Variants in UBASH3B observed in about 807,000 individuals in gnomAD.
UBASH3B encodes the protein ubiquitin associated and SH3 domain containing B.
Under a neutral mutation model 83.4 loss-of-function variants are expected in UBASH3B, and 37 were observed. The observed-to-expected ratio is 0.44, with a 90% CI of 0.34 to 0.58. The LOEUF (loss-of-function observed/expected upper bound fraction) is 0.58. Ranked by LOEUF, UBASH3B falls within the 20% of genes least tolerant of loss-of-function variation. The pLI is 0.01. For missense variants in UBASH3B, 657 were observed against 827.2 expected (o/e 0.79, Z 2.52); for synonymous variants, 304 against 318.3 (o/e 0.96, Z 0.48).
At position 122,656,229 on chromosome 11, in the gene UBASH3B, A is replaced by C; in HGVS notation, c.161+19A>C. ...CCCGCGCGTAAGTGGCCGGGCTCGC[A>C]GCCCTCGGCGACCCCTCCCGCGCGC... On this transcript the variant is annotated intron_variant, in intron 1 of 13. Coordinates refer to ENST00000284273, the MANE Select transcript of UBASH3B (RefSeq NM_032873.5). 7.1e-7 allele frequency: 1 copy of C among 1,417,776 alleles called. No individual in the cohort carries two copies. Among genetic ancestry groups the C allele is most frequent in the Non-Finnish European group, 9.3e-7 (1 of 1,077,634 alleles). The allele number at this position is 1,417,776 out of a possible 1,614,324, so 87.8% of individuals were successfully genotyped here. A position where few individuals can be genotyped will look rare whatever the true frequency, so the allele number is the denominator to read the frequency against.
rs979342683 is a variant in UBASH3B at position 122,768,540 on chromosome 11, C to G, written c.162-7679C>G. Among the ~76,000 whole-genome samples the G allele has an allele frequency of 6.6e-5, 10 of 151,254 alleles. No homozygotes were observed. The South Asian group carries it at 1.5e-3, about 22-fold the overall frequency. ...TATATATTTGAGACTGAGCCTCACT[C>G]TATCGCCCACGCTGGAGTGCAGTGG... On this transcript the variant is annotated intron_variant, in intron 1 of 13. Coordinates refer to ENST00000284273, the MANE Select transcript of UBASH3B (RefSeq NM_032873.5).
At chr11:122,707,341 G>T (rs1021931233) in intron 1 of UBASH3B, among the ~76,000 whole-genome samples, 4 of 152,162 alleles carry the variant, frequency 2.6e-5, no homozygotes, top group South Asian at 4.1e-4. Context: ...GACGGGGAGT[G>T]GTAACCTTTT....
At chr11:122,726,876 T>A (rs1803798437) in intron 1 of UBASH3B, among the ~76,000 whole-genome samples, 1 of 152,236 alleles carries the variant, frequency 6.6e-6, no homozygotes, top group African/African-American at 2.4e-5. Context: ...CTGACTCCCA[T>A]GTGGGAAAGT....
chr11:122,800,396 A>T (rs1269908202), intron 10 of UBASH3B, among the ~76,000 whole-genome samples: 1 of 149,932 alleles, frequency 6.7e-6, no homozygotes, highest in African/African-American at 2.4e-5. Flanking sequence ...AAAAAAAAAA[A>T]AAAAAACAAG....
At chr11:122,722,804 C>A (rs1860663132) in intron 1 of UBASH3B, among the ~76,000 whole-genome samples, 1 of 151,800 alleles carries the variant, frequency 6.6e-6, no homozygotes, top group Admixed American at 6.6e-5. Flanking sequence ...CTCCCAGGTG[C>A]ATGCCATTCT....
intron 1 of UBASH3B, among the ~76,000 whole-genome samples, chr11:122,771,231 G>A (rs1224363877): frequency 1.1e-5 from 1 of 90,064 alleles, no homozygotes; most frequent in Non-Finnish European, 2.4e-5. Context: ...CTCTTACTTT[G>A]CTTTTTTTTT....
At chr11:122,694,929 T>A (rs1448176857) in intron 1 of UBASH3B, among the ~76,000 whole-genome samples, 5 of 150,208 alleles carry the variant, frequency 3.3e-5, no homozygotes, top group African/African-American at 7.3e-5. Context: ...TATTTTATTT[T>A]ATTTATTTTT....
chr11:122,812,865 G>A lies in UBASH3B; in HGVS notation c.*2979G>A, dbSNP rs1861474879. 1 of 152,330 alleles carries A rather than the reference G, an allele frequency of 6.6e-6. No individual in the cohort carries two copies. The highest frequency in any genetic ancestry group is 2.4e-5 in the African/African-American group (1 of 41,416). The allele number at this position is 152,330 out of a possible 1,614,324, so 9.4% of individuals were successfully genotyped here. A position where few individuals can be genotyped will look rare whatever the true frequency, so the allele number is the denominator to read the frequency against. On this transcript the variant is annotated 3_prime_UTR_variant, in exon 14 of 14. Transcript: ENST00000284273. ...GGCTCTCTTCACCATCACTGCATTG[G>A]TAGCTAGGAGCTTATTGCTTCACCC...
intron 1 of UBASH3B, among the ~76,000 whole-genome samples, chr11:122,660,614 C>A (rs1863426470): frequency 6.6e-6 from 1 of 152,146 alleles, no homozygotes; most frequent in African/African-American, 2.4e-5. Flanking sequence ...CACTGTCATC[C>A]CCCTGCTGAC....
rs770318439 is a variant in UBASH3B, at chr11:122,656,076, G to A, written c.27G>A (p.Pro9=). Residue 9 remains proline, a synonymous_variant, in exon 1 of 14, where the codon CCG becomes CCA. Coordinates refer to ENST00000284273, the MANE Select transcript of UBASH3B (RefSeq NM_032873.5). MAQYGHPS[P]LGMAAREELY... is the part of the protein sequence containing the mutation. ...TGGCTCAGTACGGCCACCCCAGTCC[G>A]CTCGGCATGGCTGCGAGAGAGGAGC... 13 of 1,599,674 alleles carry A rather than the reference G, an allele frequency of 8.1e-6. No individual in the cohort carries two copies. The highest frequency in any genetic ancestry group is 1.1e-5 in the Non-Finnish European group (13 of 1,174,514).
At chr11:122,670,001 G>C (rs897872874) in intron 1 of UBASH3B, among the ~76,000 whole-genome samples, 1 of 152,136 alleles carries the variant, frequency 6.6e-6, no homozygotes, top group African/African-American at 2.4e-5. Context: ...ATGATATGAA[G>C]TCTCTAGATT....
chr11:122,766,106 C>T (rs1289570333), intron 1 of UBASH3B, among the ~76,000 whole-genome samples: 2 of 152,184 alleles, frequency 1.3e-5, no homozygotes, highest in South Asian at 2.1e-4. Flanking sequence ...ACCCAGGGTC[C>T]TTCTCAGTGG....
chr11:122,747,026 G>A (rs1861129847), intron 1 of UBASH3B, among the ~76,000 whole-genome samples: 1 of 152,212 alleles, frequency 6.6e-6, no homozygotes, highest in Admixed American at 6.5e-5. Flanking sequence ...ACACCAGGGT[G>A]TGTTTTGGAA....
intron 1 of UBASH3B, among the ~76,000 whole-genome samples, chr11:122,664,229 C>T (rs1863484538): frequency 6.6e-6 from 1 of 152,102 alleles, no homozygotes; most frequent in South Asian, 2.1e-4. Context: ...GAGAGCACCA[C>T]CCAAGCTGCT....
chr11:122,695,431 A>G (rs1863954317), intron 1 of UBASH3B, among the ~76,000 whole-genome samples: 1 of 152,172 alleles, frequency 6.6e-6, no homozygotes, highest in African/African-American at 2.4e-5. Context: ...GCTGGTGAGC[A>G]TATGCATCCG....
chr11:122,661,535 C>G (rs547900317), intron 1 of UBASH3B, among the ~76,000 whole-genome samples: 2 of 152,288 alleles, frequency 1.3e-5, no homozygotes, highest in African/African-American at 4.8e-5. Context: ...TGGAACCCAC[C>G]TGGAGCTGAA....
At chr11:122,711,242 A>G (rs1864186866) in intron 1 of UBASH3B, among the ~76,000 whole-genome samples, 1 of 152,228 alleles carries the variant, frequency 6.6e-6, no homozygotes, top group South Asian at 2.1e-4. Flanking sequence ...TGTAGCAGAC[A>G]TTTTTGGGGG....
chr11:122,781,774 A>G (rs1454208255), intron 4 of UBASH3B, among the ~76,000 whole-genome samples: 1 of 152,266 alleles, frequency 6.6e-6, no homozygotes, highest in Admixed American at 6.5e-5. Context: ...TGAAGTGGTC[A>G]AGGGAGATTC....
At chr11:122,748,985 G>C (rs1861162380) in intron 1 of UBASH3B, among the ~76,000 whole-genome samples, 1 of 152,226 alleles carries the variant, frequency 6.6e-6, no homozygotes, top group African/African-American at 2.4e-5. Context: ...CCTACATGGA[G>C]AATGTTTTCA....
Sources: allele counts gnomAD v4.1 joint callset (sites outside exome capture counted in the v4.1 genomes callset), GRCh38; gene constraint gnomAD v4.1.1; transcripts MANE v1.5; gene names NCBI Gene and HGNC (gene_info 2026-07-23, HGNC 2026-07-21).